STAG1: variants seen among roughly 807,000 people sequenced by gnomAD.
STAG1 encodes the protein STAG1 cohesin complex component.
STAG1 carries 26 observed loss-of-function variants against 170.9 expected under a neutral mutation model. The ratio of observed to expected loss-of-function variants is 0.15; its 90% CI spans 0.11 to 0.21. The LOEUF (loss-of-function observed/expected upper bound fraction) is 0.21. Ranked by LOEUF, STAG1 falls within the 10% of genes least tolerant of loss-of-function variation. STAG1 has a pLI of 1.00. For synonymous variants in STAG1, 514 were observed against 497.7 expected (o/e 1.03, Z -0.44); for missense variants, 964 against 1,509.5 (o/e 0.64, Z 5.99).
rs562368533 is a variant in STAG1, at chr3:136,525,691, G to T, written c.472-4274C>A. Among the ~76,000 whole-genome samples, 63 of 152,200 alleles carry T rather than the reference G, an allele frequency of 4.1e-4. 1 individual carries two copies. In the South Asian group the frequency reaches 9.2e-3, roughly 22 times the overall value. On this transcript the variant is annotated intron_variant, in intron 6 of 33. Coordinates refer to ENST00000383202, the MANE Select transcript of STAG1 (RefSeq NM_005862.3). ...TGGTTCTTTCAATTGTGATGTTAGG[G>T]TGTCAATTTTAGATCTTTCCTGCTT...
At chr3:136,675,180 A>AC (rs1343480484) in intron 1 of STAG1, among the ~76,000 whole-genome samples, 1 of 152,224 alleles carries the variant, frequency 6.6e-6, no homozygotes, top group Non-Finnish European at 1.5e-5. Flanking sequence ...TAATTCCCTT[A>AC]CCACTATCTT....
chr3:136,660,700 G>T (rs1941549622), intron 1 of STAG1, among the ~76,000 whole-genome samples: 1 of 151,940 alleles, frequency 6.6e-6, no homozygotes, highest in African/African-American at 2.4e-5. Context: ...GAGGCATGGT[G>T]ACTCACACCT....
At chr3:136,373,619 T>G (rs1309280498) in intron 23 of STAG1, among the ~76,000 whole-genome samples, 1 of 152,200 alleles carries the variant, frequency 6.6e-6, no homozygotes, top group African/African-American at 2.4e-5. Context: ...CAGTAGTCAT[T>G]CAGGAGCAGG....
chr3:136,468,568 T>A (rs2089536117), intron 12 of STAG1, among the ~76,000 whole-genome samples: 1 of 152,210 alleles, frequency 6.6e-6, no homozygotes, highest in Admixed American at 6.5e-5. Context: ...AGTCGAATTC[T>A]ACCAGAGGTA....
intron 7 of STAG1, among the ~76,000 whole-genome samples, chr3:136,516,516 C>T (rs1372449318): frequency 6.6e-6 from 1 of 151,814 alleles, no homozygotes; most frequent in Non-Finnish European, 1.5e-5. Flanking sequence ...AATAAACATA[C>T]ATTAAAAAAA....
At chr3:136,633,396 C>T (rs1196277508) in intron 1 of STAG1, among the ~76,000 whole-genome samples, 1 of 152,016 alleles carries the variant, frequency 6.6e-6, no homozygotes, top group East Asian at 1.9e-4. Context: ...CCTAGACATG[C>T]CCTACAAGAA....
rs564761301 is a variant in STAG1 at position 136,508,764 on chromosome 3, C to T, written c.677-5985G>A. Among the ~76,000 whole-genome samples, 284 of 152,360 alleles carry T rather than the reference C, an allele frequency of 1.9e-3. 1 individual carries two copies. The highest frequency in any genetic ancestry group is 4.2e-3 in the Admixed American group (65 of 15,304). ...ATCTCAGACTCAAGACTGCACGACT[C>T]CTGTCTGATTTCCAGCTTGCTGGGG... is the stretch of plus-strand genomic sequence containing the variant. On this transcript the variant is annotated intron_variant, in intron 7 of 33. Coordinates refer to ENST00000383202, the MANE Select transcript of STAG1 (RefSeq NM_005862.3).
chr3:136,703,150 C>T lies in STAG1; in HGVS notation c.-84+49045G>A, dbSNP rs141345770. ...TAAGAAGCTCCAAGAAAAAGTTCTTCCACTGAAACAATTATAAAGCTGGCA... is the reference window on the plus strand; with the variant it reads ...TAAGAAGCTCCAAGAAAAAGTTCTTTCACTGAAACAATTATAAAGCTGGCA... On this transcript the variant is annotated intron_variant, in intron 1 of 33. Coordinates refer to ENST00000383202, the MANE Select transcript of STAG1 (RefSeq NM_005862.3). Among the ~76,000 whole-genome samples the T allele has an allele frequency of 2.9e-3, 436 of 151,866 alleles. 1 individual carries two copies. The highest frequency in any genetic ancestry group is 0.01 in the African/African-American group (421 of 41,406).
At chr3:136,464,756 C>A in intron 13 of STAG1, 125 bp downstream of exon 13, 1 of 707,188 alleles carries the variant, frequency 1.4e-6, no homozygotes, top group African/African-American at 1.8e-5. Context: ...TGTTATAGCC[C>A]CTGGAGTATC....
intron 1 of STAG1, among the ~76,000 whole-genome samples, chr3:136,668,310 T>C (rs950520555): frequency 1.4e-5 from 2 of 143,714 alleles, no homozygotes; most frequent in Non-Finnish European, 3.1e-5. Context: ...ATATTATACA[T>C]GACATATATA....
At chr3:136,717,401 T>C (rs999205838) in intron 1 of STAG1, among the ~76,000 whole-genome samples, 17 of 152,226 alleles carry the variant, frequency 1.1e-4, no homozygotes, top group African/African-American at 2.7e-4. Flanking sequence ...TGGTGGCTCA[T>C]GCTTGTAATC....
intron 1 of STAG1, chr3:136,736,746 A>G (rs1348733866): frequency 6.2e-7 from 1 of 1,601,740 alleles, no homozygotes; most frequent in Admixed American, 1.7e-5. Flanking sequence ...AGCTCAGCAA[A>G]GAGTTTCATT....
At chr3:136,563,010 G>A (rs1342590452) in intron 5 of STAG1, among the ~76,000 whole-genome samples, 5 of 152,142 alleles carry the variant, frequency 3.3e-5, no homozygotes, top group African/African-American at 1.2e-4. Context: ...TGCACTTCTG[G>A]CAAGAATATC....
chr3:136,477,538 C>A, intron 9 of STAG1, 126 bp from the exon 10 acceptor site: 2 of 742,500 alleles, frequency 2.7e-6, no homozygotes, highest in Non-Finnish European at 4.0e-6. Context: ...GAATGGCCTC[C>A]AACTTAAGTA....
At position 136,508,397 on chromosome 3, in the gene STAG1, A is replaced by G. The variant is rs188650363; in HGVS notation, c.677-5618T>C. 2.2e-3 allele frequency among the ~76,000 whole-genome samples: 329 copies of G among 152,280 alleles called. 1 individual carries two copies. Among genetic ancestry groups the G allele is most frequent in the Admixed American group, 3.4e-3 (52 of 15,298 alleles). Reference sequence around the variant, plus strand: ...AATGTTTGCCTCAAGGCTGCAACATAAAGTCCTAGGCTGAGCATGATGGCT... The same window carrying G: ...AATGTTTGCCTCAAGGCTGCAACATGAAGTCCTAGGCTGAGCATGATGGCT... On this transcript the variant is annotated intron_variant, in intron 7 of 33. Transcript: ENST00000383202.
intron 4 of STAG1, among the ~76,000 whole-genome samples, chr3:136,584,880 T>C (rs1320526536): frequency 2.0e-5 from 3 of 152,224 alleles, no homozygotes; most frequent in African/African-American, 7.2e-5. Flanking sequence ...TCTAAGACTA[T>C]ACATGCCAGA....
At chr3:136,720,842 C>G (rs1933217554) in intron 1 of STAG1, among the ~76,000 whole-genome samples, 1 of 151,806 alleles carries the variant, frequency 6.6e-6, no homozygotes, top group Non-Finnish European at 1.5e-5. Flanking sequence ...CAAAATGTCC[C>G]CCCAAAAGAA....
At chr3:136,553,175 T>G (rs1478838671) in intron 5 of STAG1, among the ~76,000 whole-genome samples, 1 of 152,050 alleles carries the variant, frequency 6.6e-6, no homozygotes, top group African/African-American at 2.4e-5. Flanking sequence ...AACAATACAC[T>G]AACTGAAATA....
chr3:136,376,788 ATTCT>A (rs1937625431), intron 23 of STAG1, among the ~76,000 whole-genome samples: 1 of 151,732 alleles, frequency 6.6e-6, no homozygotes, highest in African/African-American at 2.4e-5. Context: ...CTGGTGTAGA[ATTCT>A]TTTTTTTAAT....
Sources: gnomAD v4.1 joint callset for allele counts (sites outside exome capture counted in the v4.1 genomes callset) on GRCh38, gnomAD v4.1.1 for gene constraint, MANE v1.5 for transcripts, NCBI Gene and HGNC (gene_info 2026-07-23, HGNC 2026-07-21) for gene names.